The following FER1L5 variants were observed in gnomAD, a reference collection of about 807,000 sequenced individuals.
FER1L5 encodes fer-1 like family member 5.
FER1L5 carries 187 observed loss-of-function variants against 279.9 expected under a neutral mutation model. The ratio of observed to expected loss-of-function variants is 0.67; its 90% CI spans 0.59 to 0.75. The LOEUF (loss-of-function observed/expected upper bound fraction) is 0.75. Ranked by LOEUF, FER1L5 falls within the 30% of genes least tolerant of loss-of-function variation. The pLI, the probability that FER1L5 is intolerant of heterozygous loss-of-function variation, is 0.00. For synonymous variants in FER1L5, 921 were observed against 989.7 expected (o/e 0.93, Z 1.30); for missense variants, 2,091 against 2,594.4 (o/e 0.81, Z 4.21).
Position 96,698,838 on chromosome 2 carries a change from G to A in FER1L5, c.4518+6G>A. The A allele has an allele frequency of 6.4e-7, 1 of 1,558,638 alleles. No homozygotes were observed. Among genetic ancestry groups the A allele is most frequent in the Non-Finnish European group, 8.7e-7 (1 of 1,151,294 alleles). On this transcript the variant is annotated splice_donor_region_variant and intron_variant, in intron 41 of 52. Transcript: ENST00000624922. The surrounding 1 kb of genome is among the most constrained non-coding windows in gnomAD (Gnocchi z 5.5). ...CCCAGGACTACAATGGCCTGGTAAA[G>A]AACAGTACCTGCCCCACACAGGTGC...
Position 96,689,583 on chromosome 2 carries a change from A to AGACG in FER1L5, c.2526-59_2526-56dup. ...GGTATGGGAACGCTTGGCCAGCAGA[A>AGACG]GACGGCCCTAGGGGCTGCTTGGGGA... is the stretch of plus-strand genomic sequence containing the variant. On this transcript the variant is annotated intron_variant, in intron 25 of 52. Coordinates refer to ENST00000624922, the MANE Select transcript of FER1L5 (RefSeq NM_001293083.2). The surrounding 1 kb of genome is among the most constrained non-coding windows in gnomAD (Gnocchi z 4.6). 1 of 1,481,406 alleles carries AGACG rather than the reference A, an allele frequency of 6.8e-7. No homozygotes were observed. The highest frequency in any genetic ancestry group is 9.2e-7 in the Non-Finnish European group (1 of 1,084,608). 91.8% of individuals were successfully genotyped at this position (1,481,406 alleles called of 1,614,324 possible).
At chr2:96,652,109 G>C in intron 7 of FER1L5, 89 bp downstream of exon 7, 1 of 1,511,558 alleles carries the variant, frequency 6.6e-7, no homozygotes, top group East Asian at 2.5e-5. Flanking sequence ...CTTGACTAGG[G>C]TGTCTTCATG....
In FER1L5 at chr2:96,691,676, G is replaced by A. The variant is rs1188220422; in HGVS notation, c.3075+64G>A. On this transcript the variant is annotated intron_variant, in intron 29 of 52. Coordinates refer to ENST00000624922, the MANE Select transcript of FER1L5 (RefSeq NM_001293083.2). This position sits in a 1 kb window ranked among gnomAD's most constrained non-coding sequence, Gnocchi z 6.0. The stretch of plus-strand genomic sequence containing the variant: ...CCACCTCCCAGAGAAGCCAGGGCCT[G>A]GCCTGGCTGGGGCGCTGACTGCGGA... The A allele has an allele frequency of 2.0e-6, 3 of 1,525,048 alleles. No individual in the cohort carries two copies. Among genetic ancestry groups the A allele is most frequent in the African/African-American group, 1.4e-5 (1 of 72,580 alleles). 94.5% of individuals were successfully genotyped at this position (1,525,048 alleles called of 1,614,324 possible).
intron 19 of FER1L5, among the ~76,000 whole-genome samples, chr2:96,679,435 G>A (rs893045916): frequency 1.3e-5 from 2 of 152,070 alleles, no homozygotes; most frequent in African/African-American, 4.8e-5. Context: ...TGTTGGTCAG[G>A]CTGGTCTCGA....
intron 9 of FER1L5, among the ~76,000 whole-genome samples, chr2:96,659,408 T>TCCTTCCTTCCTTCCTTCCTTC: frequency 1.8e-4 from 1 of 5,474 alleles, no homozygotes; most frequent in East Asian, 6.0e-3. Flanking sequence ...TTTCTTTCTT[T>TCCTTCCTTCCTTCCTTCCTTC]CTTTCTTTCT....
rs767188466 is a variant in FER1L5 at position 96,695,781 on chromosome 2, G to A, written c.3934G>A (p.Val1312Met). 5.6e-6 allele frequency: 9 copies of A among 1,612,996 alleles called. No individual in the cohort carries two copies. Among genetic ancestry groups the A allele is most frequent in the South Asian group, 1.1e-5 (1 of 90,788 alleles). Residue 1312 changes from valine to methionine, a missense_variant, in exon 36 of 53, where the codon GTG becomes ATG. Transcript: ENST00000624922. ...TEEAYALPLV[V>M]KVVDNWAFGQ... is the part of the protein sequence containing the mutation. ...GGAGGCCTATGCACTGCCCCTCGTG[G>A]TGAAGGTGGTAGACAACTGGGCCTT...
intron 8 of FER1L5, 200 bp from the exon 9 acceptor site, chr2:96,654,246 G>GT: frequency 5.2e-6 from 2 of 380,974 alleles, no homozygotes; most frequent in Middle Eastern, 6.7e-4. Flanking sequence ...TTCCTCATCA[G>GT]TAAAATGGAA....
chr2:96,666,571 G>A (rs1395566080), intron 14 of FER1L5, among the ~76,000 whole-genome samples: 3 of 152,088 alleles, frequency 2.0e-5, no homozygotes, highest in African/African-American at 7.2e-5. Context: ...CCAGCTGAGA[G>A]GATTGAGGAT....
rs929476583 is a variant in FER1L5, at chr2:96,699,727, G to A, written c.4781+7G>A. 1 of 1,613,784 alleles carries A rather than the reference G, an allele frequency of 6.2e-7. No homozygotes were observed. The highest frequency in any genetic ancestry group is 8.5e-7 in the Non-Finnish European group (1 of 1,179,776). ...TCTCCAAATCCTACTGCCAGTGAGA[G>A]TGGGCCCGTCTGGGGGAAGGGAGTC... is the stretch of plus-strand genomic sequence containing the variant. On this transcript the variant is annotated splice_region_variant and intron_variant, in intron 43 of 52. Transcript: ENST00000624922.
intron 37 of FER1L5, 25 bp downstream of exon 37, chr2:96,696,102 T>C: frequency 6.2e-7 from 1 of 1,613,472 alleles, no homozygotes. Flanking sequence ...CAGGCCCACC[T>C]TCTCCCATAC....
intron 30 of FER1L5, 33 bp from the exon 31 acceptor site, chr2:96,692,071 G>A: frequency 1.3e-6 from 2 of 1,551,198 alleles, no homozygotes; most frequent in Non-Finnish European, 1.7e-6. Flanking sequence ...GGGGTCCTGG[G>A]GCAGGTGACA....
chr2:96,675,248 C>T (rs1156551905), intron 19 of FER1L5, among the ~76,000 whole-genome samples: 1 of 152,000 alleles, frequency 6.6e-6, no homozygotes, highest in Non-Finnish European at 1.5e-5. Flanking sequence ...CATTCTTGTG[C>T]ATGTCTCCTG....
At chr2:96,704,161 T>C (rs2077697261) in intron 51 of FER1L5, 54 bp from the exon 52 acceptor site, 14 of 1,598,168 alleles carry the variant, frequency 8.8e-6, no homozygotes, top group Non-Finnish European at 1.2e-5. Flanking sequence ...ATCAGATTAC[T>C]TGACCTGAAG....
Position 96,689,060 on chromosome 2 carries a change from T to G in FER1L5, c.2362-153T>G. ...GGTTGACCTCTGGGCCTCAGTGCCC[T>G]CACCTGTGCAATGGGGACATGGCCC... On this transcript the variant is annotated intron_variant, in intron 24 of 52. Coordinates refer to ENST00000624922, the MANE Select transcript of FER1L5 (RefSeq NM_001293083.2). This position sits in a 1 kb window ranked among gnomAD's most constrained non-coding sequence, Gnocchi z 4.6. 1 of 883,728 alleles carries G rather than the reference T, an allele frequency of 1.1e-6. No homozygotes were observed. Among genetic ancestry groups the G allele is most frequent in the South Asian group, 1.8e-5 (1 of 55,152 alleles). The allele number at this position is 883,728 out of a possible 1,614,324, so 54.7% of individuals were successfully genotyped here.
Position 96,691,561 on chromosome 2 carries a change from C to T in FER1L5, c.3024C>T (p.Ala1008=). Residue 1008 remains alanine (A), a synonymous_variant, in exon 29 of 53, where the codon GCC becomes GCT. Coordinates refer to ENST00000624922, the MANE Select transcript of FER1L5 (RefSeq NM_001293083.2). This position sits in a 1 kb window ranked among gnomAD's most constrained non-coding sequence, Gnocchi z 6.0. ...FRRRCWRRRL[A]PNKDKGIAPI... The stretch of plus-strand genomic sequence containing the variant: ...GCCGCTGCTGGCGCCGCAGGCTGGC[C>T]CCCAACAAGGACAAGGGCATCGCGC... 3.2e-6 allele frequency: 5 copies of T among 1,548,960 alleles called. No homozygotes were observed. Among genetic ancestry groups the T allele is most frequent in the South Asian group, 1.2e-5 (1 of 83,708 alleles).
rs1458896102 is a variant in FER1L5, at chr2:96,697,553, T to C, written c.4111T>C (p.Trp1371Arg). The C allele has an allele frequency of 1.2e-5, 19 of 1,613,670 alleles. No individual in the cohort carries two copies. The highest frequency in any genetic ancestry group is 1.6e-5 in the Non-Finnish European group (19 of 1,179,810). Residue 1371 changes from tryptophan to arginine, a missense_variant, in exon 38 of 53, where the codon TGG becomes CGG. By Grantham distance (101) the Trp-to-Arg change is moderately radical. Transcript: ENST00000624922. ...DFLGYLYRKF[W>R]FKSSKAEDEY... ...CCTAGGCTACCTCTACAGAAAGTTC[T>C]GGTTCAAGTCCAGTAAAGCAGAGGT... is the stretch of plus-strand genomic sequence containing the variant.
chr2:96,692,204 C>T, intron 31 of FER1L5, 23 bp downstream of exon 31: 5 of 1,551,090 alleles, frequency 3.2e-6, no homozygotes, highest in Non-Finnish European at 4.4e-6. Context: ...CAGCCTTGTC[C>T]CCAGCTGAGG....
intron 37 of FER1L5, among the ~76,000 whole-genome samples, chr2:96,696,456 C>A (rs1036544194): frequency 2.0e-5 from 3 of 152,086 alleles, no homozygotes; most frequent in African/African-American, 7.2e-5. Flanking sequence ...CCACGCACGG[C>A]TAATTTTTTG....
In FER1L5 at chr2:96,691,398, G is replaced by A. The variant is rs951978237; in HGVS notation, c.2907+45G>A. ...CCTGGCTGGGACTGCGGGCAGGGCC[G>A]CCTTGGCTGCTGCAGGAACACAACC... On this transcript the variant is annotated intron_variant, in intron 28 of 52. Transcript: ENST00000624922. The surrounding 1 kb of genome is among the most constrained non-coding windows in gnomAD (Gnocchi z 6.0). 1.8e-5 allele frequency: 27 copies of A among 1,536,180 alleles called. No homozygotes were observed. The African/African-American group carries it at 2.9e-4, about 16-fold the overall frequency.
Sources: allele counts gnomAD v4.1 joint callset (sites outside exome capture counted in the v4.1 genomes callset), GRCh38; gene constraint gnomAD v4.1.1; non-coding constraint Gnocchi (gnomAD v3.1); transcripts MANE v1.5; gene names NCBI Gene and HGNC (gene_info 2026-07-23, HGNC 2026-07-21).